Variants in PRELID3B observed in about 807,000 individuals in gnomAD.
PRELID3B encodes the protein PRELI domain containing 3B.
A neutral mutation model predicts 24.0 loss-of-function variants in PRELID3B; 15 were observed. The ratio of observed to expected loss-of-function variants is 0.63; its 90% confidence interval spans 0.42 to 0.96. The LOEUF is 0.96. Among genes scored for constraint, PRELID3B ranks in the 40% least tolerant of loss-of-function variants. The pLI, the probability that PRELID3B is intolerant of heterozygous loss-of-function variation, is 0.00. For missense variants in PRELID3B, 189 were observed against 236.0 expected (o/e 0.80, Z 1.30); for synonymous variants, 62 against 76.0 (o/e 0.82, Z 0.96).
chr20:59,040,990 A>T lies in PRELID3B; in HGVS notation c.32+1709T>A, dbSNP rs2092106250. 6.6e-6 allele frequency among the ~76,000 whole-genome samples: 1 copy of T among 152,226 alleles called. No individual in the cohort carries two copies. Among genetic ancestry groups the T allele is most frequent in the Non-Finnish European group, 1.5e-5 (1 of 68,046 alleles). ...TCCAATATAGGAAGGCCAACACAGAATCTCACTGAACATTTACACTGAATG... is the reference window on the plus strand; with the variant it reads ...TCCAATATAGGAAGGCCAACACAGATTCTCACTGAACATTTACACTGAATG... On this transcript the variant is annotated intron_variant, in intron 1 of 5. Transcript: ENST00000355937. The surrounding 1 kb of genome is among the most constrained non-coding windows in gnomAD (Gnocchi z 4.1).
rs767856307 is a variant in PRELID3B, at chr20:59,036,773, G to GAA, written c.292-15_292-14dup. On this transcript the variant is annotated splice_polypyrimidine_tract_variant and intron_variant, in intron 3 of 5. Transcript: ENST00000355937. ...TTGTAAATGAAATCTACAGAATGAA[G>GAA]AAAAAAAAAAAAGATCAAATCATTT... is the stretch of plus-strand genomic sequence containing the variant. 3.9e-4 allele frequency: 432 copies of GAA among 1,104,158 alleles called. No homozygotes were observed. The highest frequency in any genetic ancestry group is 4.4e-4 in the Non-Finnish European group (358 of 815,796). The allele number at this position is 1,104,158 out of a possible 1,614,324, so 68.4% of individuals were successfully genotyped here. A position where few individuals can be genotyped will look rare whatever the true frequency, so the allele number is the denominator to read the frequency against.
intron 1 of PRELID3B, among the ~76,000 whole-genome samples, chr20:59,041,692 G>C (rs2092111310): frequency 6.6e-6 from 1 of 152,034 alleles, no homozygotes; most frequent in Admixed American, 6.6e-5. Flanking sequence ...CCAAGAACAC[G>C]CCACTACTCT....
chr20:59,037,259 T>C lies in PRELID3B; in HGVS notation c.223A>G (p.Lys75Glu), dbSNP rs1169991883. Reference protein sequence around the residue: ...VKSLIGAARTKTYVQEHSVVD... With the variant: ...VKSLIGAARTETYVQEHSVVD... ...ACAGAATGTTCTTGCACATATGTTT[T>C]CGTTCTTGCTGCACCAATAAGCTAA... is the stretch of plus-strand genomic sequence containing the variant. Residue 75 changes from lysine (K) to glutamate (E), a missense_variant, in exon 3 of 6, where the codon AAA (lysine) becomes GAA (glutamate). Physicochemically the swap from Lys to Glu is moderately conservative, Grantham distance 56. Coordinates refer to ENST00000355937, the MANE Select transcript of PRELID3B (RefSeq NM_016045.3). 1 of 1,613,786 alleles carries C rather than the reference T, an allele frequency of 6.2e-7. No individual in the cohort carries two copies. Among genetic ancestry groups the C allele is most frequent in the Non-Finnish European group, 8.5e-7 (1 of 1,179,792 alleles).
intron 2 of PRELID3B, among the ~76,000 whole-genome samples, chr20:59,037,790 G>A (rs2092084658): frequency 6.6e-6 from 1 of 152,180 alleles, no homozygotes; most frequent in Admixed American, 6.5e-5. Flanking sequence ...CCCTGACCCT[G>A]CTCATTTCTG....
chr20:59,042,685 C>A lies in PRELID3B; in HGVS notation c.32+14G>T. On this transcript the variant is annotated intron_variant, in intron 1 of 5. Transcript: ENST00000355937. ...GCCTGCCCTCCACGGAGCCGACCCG[C>A]GCCCCAAACTTACTCAAAGACGTGC... The A allele has an allele frequency of 4.4e-6, 7 of 1,588,430 alleles. No homozygotes were observed. The highest frequency in any genetic ancestry group is 6.0e-6 in the Non-Finnish European group (7 of 1,168,102).
chr20:59,036,354 G>T (rs997211079), intron 5 of PRELID3B, 117 bp downstream of exon 5: 2 of 755,470 alleles, frequency 2.6e-6, no homozygotes, highest in South Asian at 3.2e-5. Context: ...ACGTGCTGCA[G>T]TTTCCTATGG....
chr20:59,035,591 G>A (rs948374072), intron 5 of PRELID3B, among the ~76,000 whole-genome samples: 4 of 152,092 alleles, frequency 2.6e-5, no homozygotes, highest in Admixed American at 2.6e-4. Context: ...CTTTGCACAC[G>A]CAGCTCCTCC....
chr20:59,042,504 C>T (rs1225443601), intron 1 of PRELID3B, among the ~76,000 whole-genome samples, 195 bp downstream of exon 1: 1 of 152,186 alleles, frequency 6.6e-6, no homozygotes, highest in Non-Finnish European at 1.5e-5. Flanking sequence ...AGGTCGGAGC[C>T]GTCCCCTCGG....
intron 3 of PRELID3B, among the ~76,000 whole-genome samples, chr20:59,036,980 AT>A (rs1193832040): frequency 3.3e-5 from 5 of 152,220 alleles, no homozygotes; most frequent in Non-Finnish European, 7.4e-5. Context: ...TCCCAAACTC[AT>A]TTTATTGAGT....
chr20:59,037,286 T>C lies in PRELID3B; in HGVS notation c.202-6A>G, dbSNP rs1555810948. On this transcript the variant is annotated splice_region_variant and splice_polypyrimidine_tract_variant and intron_variant, in intron 2 of 5. Transcript: ENST00000355937. ...GTTCTTGCTGCACCAATAAGCTAAGTAAAACATTCAGAACTAGGAATCAGA... is the reference window on the plus strand; with the variant it reads ...GTTCTTGCTGCACCAATAAGCTAAGCAAAACATTCAGAACTAGGAATCAGA... 1.4e-5 allele frequency: 22 copies of C among 1,603,354 alleles called. 1 individual carries two copies. The South Asian group carries it at 2.3e-4, about 17-fold the overall frequency.
At position 59,039,427 on chromosome 20, in the gene PRELID3B, A is replaced by G. The variant is rs563744809; in HGVS notation, c.33-793T>C. Among the ~76,000 whole-genome samples, 27 of 152,342 alleles carry G rather than the reference A, an allele frequency of 1.8e-4. 1 individual carries two copies. The South Asian group carries it at 3.7e-3, about 21-fold the overall frequency. On this transcript the variant is annotated intron_variant, in intron 1 of 5. Transcript: ENST00000355937. ...AGGCACATGTGCTTGGATGATTCAA[A>G]ATGTGATGCAACCTTTGTTCACTTC...
rs970649060 is a variant in PRELID3B at position 59,040,882 on chromosome 20, G to A, written c.32+1817C>T. Among the ~76,000 whole-genome samples, 1 of 152,166 alleles carries A rather than the reference G, an allele frequency of 6.6e-6. No homozygotes were observed. Among genetic ancestry groups the A allele is most frequent in the African/African-American group, 2.4e-5 (1 of 41,438 alleles). Reference sequence around the variant, plus strand: ...CTCAGATTATGTGGGGAGAAAGCACGGATCAGGGCTGCTTCTCCCAGGACA... The same window carrying A: ...CTCAGATTATGTGGGGAGAAAGCACAGATCAGGGCTGCTTCTCCCAGGACA... On this transcript the variant is annotated intron_variant, in intron 1 of 5. Coordinates refer to ENST00000355937, the MANE Select transcript of PRELID3B (RefSeq NM_016045.3). The surrounding 1 kb of genome is among the most constrained non-coding windows in gnomAD (Gnocchi z 4.1).
intron 1 of PRELID3B, 134 bp downstream of exon 1, chr20:59,042,565 C>G (rs2092118343): frequency 1.8e-5 from 16 of 866,242 alleles, no homozygotes; most frequent in Non-Finnish European, 2.7e-5. Context: ...GTCGCCGGGG[C>G]CCGCAGGCTT....
chr20:59,037,153 G>A, intron 3 of PRELID3B, 38 bp downstream of exon 3: 2 of 1,478,534 alleles, frequency 1.4e-6, no homozygotes, highest in Non-Finnish European at 1.9e-6. Flanking sequence ...AACTCAGCCA[G>A]ACAGTTCGAA....
chr20:59,039,002 G>A (rs1248595532), intron 1 of PRELID3B, among the ~76,000 whole-genome samples: 1 of 152,260 alleles, frequency 6.6e-6, no homozygotes, highest in Non-Finnish European at 1.5e-5. Context: ...ATAGCCAAAA[G>A]TATCATTATG....
At chr20:59,037,504 C>A (rs1207446834) in intron 2 of PRELID3B, among the ~76,000 whole-genome samples, 1 of 152,204 alleles carries the variant, frequency 6.6e-6, no homozygotes, top group Non-Finnish European at 1.5e-5. Flanking sequence ...CAATTAGAAA[C>A]CAGCCCACTG....
chr20:59,042,784 G>A lies in PRELID3B; in HGVS notation c.-54C>T. Reference sequence around the variant, plus strand: ...TAGCGCCAGGGGACAACGAGGCACAGAGGCTACACCTGCCCCTGCCCCGCC... The same window carrying A: ...TAGCGCCAGGGGACAACGAGGCACAAAGGCTACACCTGCCCCTGCCCCGCC... On this transcript the variant is annotated 5_prime_UTR_variant, in exon 1 of 6. Transcript: ENST00000355937. The A allele has an allele frequency of 1.3e-6, 2 of 1,568,836 alleles. No individual in the cohort carries two copies. Among genetic ancestry groups the A allele is most frequent in the Non-Finnish European group, 1.7e-6 (2 of 1,156,772 alleles).
Position 59,040,906 on chromosome 20 carries a change from CAA to C in PRELID3B, c.32+1791_32+1792del, listed in dbSNP as rs548796295. On this transcript the variant is annotated intron_variant, in intron 1 of 5. Transcript: ENST00000355937. The surrounding 1 kb of genome is among the most constrained non-coding windows in gnomAD (Gnocchi z 4.1). ...CGGATCAGGGCTGCTTCTCCCAGGA[CAA>C]AAAAAAAGTCTGTGACGAAAAGAGA... Among the ~76,000 whole-genome samples, 1 of 148,500 alleles carries C rather than the reference CAA, an allele frequency of 6.7e-6. No homozygotes were observed. The highest frequency in any genetic ancestry group is 1.5e-5 in the Non-Finnish European group (1 of 67,078).
rs780923527 is a variant in PRELID3B, at chr20:59,038,459, CACTT to C, written c.201+3_201+6del. 4 of 1,610,472 alleles carry C rather than the reference CACTT, an allele frequency of 2.5e-6. No individual in the cohort carries two copies. Among genetic ancestry groups the C allele is most frequent in the East Asian group, 2.2e-5 (1 of 44,836 alleles). On this transcript the variant is annotated splice_donor_5th_base_variant and intron_variant, in intron 2 of 5. Coordinates refer to ENST00000355937, the MANE Select transcript of PRELID3B (RefSeq NM_016045.3). ...TCACATTTCTCCGGGAATAAAGACACACTTACAGACTTCACAATGGAAGGCAGTC... is the reference window on the plus strand; with the variant it reads ...TCACATTTCTCCGGGAATAAAGACACACAGACTTCACAATGGAAGGCAGTC...
Sources: gnomAD v4.1 joint callset for allele counts (sites outside exome capture counted in the v4.1 genomes callset) on GRCh38, gnomAD v4.1.1 for gene constraint, Gnocchi (gnomAD v3.1) non-coding constraint, MANE v1.5 for transcripts, NCBI Gene and HGNC (gene_info 2026-07-23, HGNC 2026-07-21) for gene names.